SLC13A1: variants seen among roughly 807,000 people sequenced by gnomAD.
The protein encoded by SLC13A1 is solute carrier family 13 member 1.
SLC13A1 carries 65 observed loss-of-function variants against 70.0 expected under a neutral mutation model. That is an observed-to-expected ratio of 0.93 (90% CI 0.76 to 1.14). The LOEUF is 1.14. Ranked by LOEUF, SLC13A1 falls within the 50% of genes most tolerant of loss-of-function variation. The pLI, the probability that SLC13A1 is intolerant of heterozygous loss-of-function variation, is 0.00. For synonymous variants in SLC13A1, 275 were observed against 250.5 expected (o/e 1.10, Z -0.92); for missense variants, 726 against 717.8 (o/e 1.01, Z -0.13).
intron 6 of SLC13A1, among the ~76,000 whole-genome samples, chr7:123,164,103 T>G (rs1794999248): frequency 6.6e-6 from 1 of 151,892 alleles, no homozygotes; most frequent in African/African-American, 2.4e-5. Flanking sequence ...TAAAGTAGGG[T>G]AGAGTCAGGA....
Position 123,115,629 on chromosome 7 carries a change from A to T in SLC13A1, c.1677T>A (p.Ile559=), listed in dbSNP as rs1230544522. The T allele has an allele frequency of 6.2e-7, 1 of 1,613,910 alleles. No individual in the cohort carries two copies. The highest frequency in any genetic ancestry group is 8.5e-7 in the Non-Finnish European group (1 of 1,179,814). ...CAAGCATAACCACAGCAACACCAAC[A>T]ATGTTGACACCAAGTCCAGCTTTAA... is the stretch of plus-strand genomic sequence containing the variant. ...DMVKAGLGVN[I]VGVAVVMLGI... Residue 559 remains isoleucine, a synonymous_variant, in exon 15 of 15, where the codon ATT becomes ATA. Transcript: ENST00000194130.
intron 12 of SLC13A1, among the ~76,000 whole-genome samples, chr7:123,122,357 T>G (rs1183173580): frequency 6.6e-6 from 1 of 152,118 alleles, no homozygotes; most frequent in Non-Finnish European, 1.5e-5. Flanking sequence ...CCATAAGCTT[T>G]GAATATTTCA....
chr7:123,159,227 T>G (rs1193563404), intron 6 of SLC13A1, among the ~76,000 whole-genome samples: 1 of 152,200 alleles, frequency 6.6e-6, no homozygotes, highest in East Asian at 1.9e-4. Context: ...TATTAATGAC[T>G]GAATTATGTC....
chr7:123,160,814 A>G (rs1243095695), intron 6 of SLC13A1, among the ~76,000 whole-genome samples: 1 of 152,168 alleles, frequency 6.6e-6, no homozygotes, highest in African/African-American at 2.4e-5. Context: ...TAAATTTCAA[A>G]ACACATTTCT....
At chr7:123,125,740 A>C in intron 10 of SLC13A1, 65 bp from the exon 11 acceptor site, 1 of 1,137,144 alleles carries the variant, frequency 8.8e-7, no homozygotes, top group Non-Finnish European at 1.3e-6. Context: ...TAAAACACCA[A>C]TTTTGCTAAT....
At chr7:123,130,521 A>C (rs1266563963) in intron 8 of SLC13A1, among the ~76,000 whole-genome samples, 1 of 152,138 alleles carries the variant, frequency 6.6e-6, no homozygotes, top group East Asian at 1.9e-4. Context: ...CAAGGAGAAC[A>C]CATGGAACCA....
chr7:123,117,545 C>T lies in SLC13A1; in HGVS notation c.1576G>A (p.Ala526Thr), dbSNP rs376970561. 4 of 1,611,480 alleles carry T rather than the reference C, an allele frequency of 2.5e-6. No individual in the cohort carries two copies. Among genetic ancestry groups the T allele is most frequent in the Non-Finnish European group, 3.4e-6 (4 of 1,178,378 alleles). The change falls in exon 14 of 15, where the codon GCA becomes ACA. Residue 526 changes from alanine to threonine, a missense_variant. Ala to Thr is a moderately conservative substitution (Grantham distance 58). Transcript: ENST00000194130. ...GGATTTGCTACTGGTAGGAGGAATGCAAATGAAGTACACAGAGTAGAAGGT... is the reference window on the plus strand; with the variant it reads ...GGATTTGCTACTGGTAGGAGGAATGTAAATGAAGTACACAGAGTAGAAGGT... Reference protein sequence around the residue: ...LIPSTLCTSFAFLLPVANPPN... With the variant: ...LIPSTLCTSFTFLLPVANPPN...
At chr7:123,192,421 G>A (rs897704072) in intron 1 of SLC13A1, among the ~76,000 whole-genome samples, 3 of 152,114 alleles carry the variant, frequency 2.0e-5, no homozygotes, top group Non-Finnish European at 2.9e-5. Context: ...AATCACCTTG[G>A]TTCTCTTTTA....
intron 6 of SLC13A1, among the ~76,000 whole-genome samples, chr7:123,163,353 C>G (rs2116510146): frequency 6.6e-6 from 1 of 152,048 alleles, no homozygotes; most frequent in Non-Finnish European, 1.5e-5. Context: ...TTATTTTGGG[C>G]AAGTAGAGAG....
In SLC13A1 at chr7:123,117,605, C is replaced by T. The variant is rs898085868; in HGVS notation, c.1516G>A (p.Glu506Lys). The change falls in exon 14 of 15, where the codon GAA (glutamate) becomes AAA (lysine). Residue 506 changes from glutamate to lysine, a missense_variant. Physicochemically the swap from Glu to Lys is moderately conservative, Grantham distance 56 (BLOSUM62 1). Transcript: ENST00000194130. ...TAAAGAGGGTTCACATGAATGGCTT[C>T]GGCCTGTTGTAAGAGATAAAAAAGA... ...LFLPILSPLA[E>K]AIHVNPLYIL... 2.2e-5 allele frequency: 35 copies of T among 1,595,388 alleles called. No individual in the cohort carries two copies. The Admixed American group carries it at 2.7e-4, about 12-fold the overall frequency.
rs564865207 is a variant in SLC13A1 at position 123,163,681 on chromosome 7, A to G, written c.660+4693T>C. Among the ~76,000 whole-genome samples, 12 of 152,178 alleles carry G rather than the reference A, an allele frequency of 7.9e-5. No homozygotes were observed. In the South Asian group the frequency reaches 2.1e-3, roughly 26 times the overall value. ...ACCCAAAATGAAACCAGTCTGATCC[A>G]TAGTGTTGACTTTAAATGTTTATCA... On this transcript the variant is annotated intron_variant, in intron 6 of 14. Coordinates refer to ENST00000194130, the MANE Select transcript of SLC13A1 (RefSeq NM_022444.4).
chr7:123,181,205 T>C, intron 1 of SLC13A1, 104 bp from the exon 2 acceptor site: 10 of 1,264,060 alleles, frequency 7.9e-6, no homozygotes, highest in Non-Finnish European at 9.8e-6. Context: ...ACAGAGAACG[T>C]AAGAAGATCT....
chr7:123,159,819 C>T (rs759406610), intron 6 of SLC13A1, among the ~76,000 whole-genome samples: 2 of 151,802 alleles, frequency 1.3e-5, no homozygotes, highest in Non-Finnish European at 2.9e-5. Context: ...TAAAACATGT[C>T]GGGTAGAGGT....
At chr7:123,121,207 G>T (rs967713767) in intron 12 of SLC13A1, among the ~76,000 whole-genome samples, 2 of 151,946 alleles carry the variant, frequency 1.3e-5, no homozygotes, top group Admixed American at 6.6e-5. Flanking sequence ...CAGCAGGACT[G>T]GGGAAAGCAT....
chr7:123,162,456 A>G (rs1057192770), intron 6 of SLC13A1, among the ~76,000 whole-genome samples: 3 of 152,046 alleles, frequency 2.0e-5, no homozygotes, highest in East Asian at 3.9e-4. Flanking sequence ...CTCCTTGCTT[A>G]CCTCGTCTAT....
At position 123,183,248 on chromosome 7, in the gene SLC13A1, G is replaced by A. The variant is rs574720532; in HGVS notation, c.100-2147C>T. 5.8e-4 allele frequency among the ~76,000 whole-genome samples: 89 copies of A among 152,210 alleles called. No homozygotes were observed. In the Middle Eastern group the frequency reaches 0.014, roughly 23 times the overall value. On this transcript the variant is annotated intron_variant, in intron 1 of 14. Coordinates refer to ENST00000194130, the MANE Select transcript of SLC13A1 (RefSeq NM_022444.4). The stretch of plus-strand genomic sequence containing the variant: ...ATATATTTGATTCACAGTGTTATAA[G>A]TCTATGTGCTTAATTTGAGTCAAGA...
chr7:123,128,725 T>G, intron 10 of SLC13A1, 120 bp downstream of exon 10: 1 of 667,330 alleles, frequency 1.5e-6, no homozygotes. Context: ...ACTTAAAATA[T>G]CTTTTCAAGG....
At position 123,147,219 on chromosome 7, in the gene SLC13A1, C is replaced by A; in HGVS notation, c.752G>T (p.Gly251Val). The stretch of plus-strand genomic sequence containing the variant: ...GGTACCAGTGATTGTTGTCAGTCCA[C>A]CAATGGTAGAAGAGTAGGCAATGCA... ...CLCIAYSSTI[G>V]GLTTITGTST... Residue 251 changes from glycine to valine, a missense_variant, in exon 7 of 15, where the codon GGT (glycine) becomes GTT (valine). By Grantham distance (109) the Gly-to-Val change is moderately radical (BLOSUM62 -3). Transcript: ENST00000194130. 1 of 1,613,728 alleles carries A rather than the reference C, an allele frequency of 6.2e-7. No individual in the cohort carries two copies.
intron 7 of SLC13A1, among the ~76,000 whole-genome samples, chr7:123,142,896 C>T (rs79597558): frequency 0.32 from 48,087 of 151,792 alleles, 7,934 homozygotes; most frequent in African/African-American, 0.41. Context: ...GGATTACAGT[C>T]GTGAGCCACC....
Sources: allele counts gnomAD v4.1 joint callset (sites outside exome capture counted in the v4.1 genomes callset), GRCh38; gene constraint gnomAD v4.1.1; transcripts MANE v1.5; gene names NCBI Gene and HGNC (gene_info 2026-07-23, HGNC 2026-07-21).